COL16A1: variants seen among roughly 807,000 people sequenced by gnomAD.
COL16A1 encodes the protein collagen type XVI alpha 1 chain, also known as collagen alpha-1(XVI) chain.
In COL16A1, 189 loss-of-function variants were observed where a neutral mutation model predicts 266.3. The ratio of observed to expected loss-of-function variants is 0.71; its 90% CI spans 0.63 to 0.80. The LOEUF is 0.80. Ranked by LOEUF, COL16A1 falls within the 30% of genes least tolerant of loss-of-function variation. COL16A1 has a pLI of 0.00. For synonymous variants in COL16A1, 740 were observed against 782.3 expected, an observed-to-expected ratio of 0.95 and a Z score of 0.90; for missense variants, 1,928 against 2,122.4, an observed-to-expected ratio of 0.91 and a Z score of 1.80.
chr1:31,654,025 G>A lies in COL16A1; in HGVS notation c.4376C>T (p.Thr1459Ile). The change falls in exon 69 of 71, where the codon ACC becomes ATC. Residue 1459 changes from threonine to isoleucine, a missense_variant. Thr to Ile is a moderately conservative substitution (Grantham distance 89, BLOSUM62 -1). Coordinates refer to ENST00000373672, the MANE Select transcript of COL16A1 (RefSeq NM_001856.4). ...CTCCATGGGGAACTGCATCCTGGAG[G>A]TGTAGTAAGCCATTCTCTCTGTAAA... ...KMFDERMAYY[T>I]SRMQFPMEMA... The A allele has an allele frequency of 6.2e-7, 1 of 1,613,976 alleles. No individual in the cohort carries two copies. Among genetic ancestry groups the A allele is most frequent in the South Asian group, 1.1e-5 (1 of 91,076 alleles).
At position 31,689,885 on chromosome 1, in the gene COL16A1, T is replaced by G. The variant is rs749307314; in HGVS notation, c.1510-34A>C. 1.9e-5 allele frequency: 31 copies of G among 1,597,302 alleles called. No homozygotes were observed. In the African/African-American group the frequency reaches 4.2e-4, roughly 21 times the overall value. On this transcript the variant is annotated intron_variant, in intron 22 of 70. Coordinates refer to ENST00000373672, the MANE Select transcript of COL16A1 (RefSeq NM_001856.4). Reference sequence around the variant, plus strand: ...AGGGAGAGGCAGTATGTGGACAGGGTGGGGCTGAGACCCCAGGGAAGGCAA... The same window carrying G: ...AGGGAGAGGCAGTATGTGGACAGGGGGGGGCTGAGACCCCAGGGAAGGCAA...
At position 31,670,022 on chromosome 1, in the gene COL16A1, G is replaced by A. The variant is rs1317253843; in HGVS notation, c.3195+580C>T. 3 of 152,380 alleles carry A rather than the reference G, an allele frequency of 2.0e-5. No individual in the cohort carries two copies. Among genetic ancestry groups the A allele is most frequent in the Admixed American group, 1.3e-4 (2 of 15,286 alleles). 9.4% of individuals were successfully genotyped at this position (152,380 alleles called of 1,614,324 possible). On this transcript the variant is annotated intron_variant, in intron 49 of 70. Transcript: ENST00000373672. This position sits in a 1 kb window ranked among gnomAD's most constrained non-coding sequence, Gnocchi z 4.5. ...TTTCCTCTAGGACGACGGAAAAGGC[G>A]CAGGAAGGGCTGCCTTTAAATCCCT...
intron 39 of COL16A1, 102 bp from the exon 40 acceptor site, chr1:31,680,203 G>C: frequency 2.0e-6 from 3 of 1,502,944 alleles, no homozygotes; most frequent in Non-Finnish European, 2.7e-6. Context: ...AGAGGCCAGG[G>C]TTTCAATCCA....
chr1:31,673,249 G>A (rs1170508698), intron 44 of COL16A1: 2 of 302,884 alleles, frequency 6.6e-6, no homozygotes, highest in South Asian at 2.9e-5. Context: ...CAAAGGAACA[G>A]CTGCGGGAGG....
intron 42 of COL16A1, among the ~76,000 whole-genome samples, chr1:31,678,001 C>A (rs912084350): frequency 6.6e-6 from 1 of 152,194 alleles, no homozygotes; most frequent in East Asian, 1.9e-4. Flanking sequence ...TGTTTCCTGG[C>A]AGTGTGGCAG....
At position 31,683,694 on chromosome 1, in the gene COL16A1, G is replaced by A. The variant is rs530348338; in HGVS notation, c.2379+13C>T. 518 of 1,614,106 alleles carry A rather than the reference G, an allele frequency of 3.2e-4. 3 individuals carry two copies. The South Asian group carries it at 5.4e-3, about 17-fold the overall frequency. ...TGCTGAGAGGACAGGCAAAGGCAGG[G>A]CTAGAGACTCACCTGGGGTCCCTGG... On this transcript the variant is annotated intron_variant, in intron 34 of 70. Transcript: ENST00000373672.
At position 31,685,496 on chromosome 1, in the gene COL16A1, G is replaced by T. The variant is rs534417128; in HGVS notation, c.2016+143C>A. ...AGACCTGTGAGGGCCGCTCCTGCTG[G>T]AGACAGAGGCTCTGACCCCGCCACA... On this transcript the variant is annotated intron_variant, in intron 29 of 70. Coordinates refer to ENST00000373672, the MANE Select transcript of COL16A1 (RefSeq NM_001856.4). This position sits in a 1 kb window ranked among gnomAD's most constrained non-coding sequence, Gnocchi z 4.0. 320 of 1,088,250 alleles carry T rather than the reference G, an allele frequency of 2.9e-4. No homozygotes were observed. The highest frequency in any genetic ancestry group is 3.8e-4 in the Non-Finnish European group (288 of 748,744). The allele number at this position is 1,088,250 out of a possible 1,614,324, so 67.4% of individuals were successfully genotyped here. A position where few individuals can be genotyped will look rare whatever the true frequency, so the allele number is the denominator to read the frequency against.
chr1:31,672,954 C>A lies in COL16A1; in HGVS notation c.2860-114G>T, dbSNP rs1444962300. ...AGGGCTCCCTGCCCTGCCGTCTTCC[C>A]TCCTCCCACACTCCCTCCCTCCCCA... On this transcript the variant is annotated intron_variant, in intron 44 of 70. Transcript: ENST00000373672. The A allele has an allele frequency of 5.2e-6, 5 of 963,878 alleles. No individual in the cohort carries two copies. In the East Asian group the frequency reaches 1.0e-4, roughly 20 times the overall value. The allele number at this position is 963,878 out of a possible 1,614,324, so 59.7% of individuals were successfully genotyped here. A position where few individuals can be genotyped will look rare whatever the true frequency, so the allele number is the denominator to read the frequency against.
intron 17 of COL16A1, 47 bp downstream of exon 17, chr1:31,691,958 A>C: frequency 2.1e-4 from 338 of 1,610,808 alleles, no homozygotes; most frequent in Non-Finnish European, 2.7e-4. Flanking sequence ...CAGCATTCTC[A>C]GACCCCGTGC....
Position 31,653,832 on chromosome 1 carries a change from A to G in COL16A1, c.4534+35T>C, listed in dbSNP as rs116790331. ...ATACTTAGGCCTGCCCCAAAGAATT[A>G]CATGTGTCCCTTGGGAACTGTAGGG... On this transcript the variant is annotated intron_variant, in intron 69 of 70. Transcript: ENST00000373672. 7.1e-4 allele frequency: 1,125 copies of G among 1,591,104 alleles called. 9 individuals are homozygous for G. The African/African-American group carries it at 0.013, about 19-fold the overall frequency.
chr1:31,699,864 T>C lies in COL16A1; in HGVS notation c.215A>G (p.Lys72Arg), dbSNP rs1309992774. 3 of 1,614,124 alleles carry C rather than the reference T, an allele frequency of 1.9e-6. No individual in the cohort carries two copies. Among genetic ancestry groups the C allele is most frequent in the South Asian group, 1.1e-5 (1 of 91,082 alleles). ...TSAIKKIRNP[K>R]GPLILRLGAA... is the part of the protein sequence containing the mutation. ...CCCCAGGCGCAGGATGAGAGGCCCC[T>C]TGGGGTTGCGGATCTTCTTGATGGC... is the stretch of plus-strand genomic sequence containing the variant. Residue 72 changes from lysine (K) to arginine (R), a missense_variant, in exon 4 of 71, where the codon AAG (lysine) becomes AGG (arginine). Coordinates refer to ENST00000373672, the MANE Select transcript of COL16A1 (RefSeq NM_001856.4).
At position 31,688,491 on chromosome 1, in the gene COL16A1, C is replaced by A. The variant is rs1339584046; in HGVS notation, c.1779G>T (p.Gly593=). 1 of 1,613,988 alleles carries A rather than the reference C, an allele frequency of 6.2e-7. No homozygotes were observed. Among genetic ancestry groups the A allele is most frequent in the East Asian group, 2.2e-5 (1 of 44,892 alleles). The change falls in exon 26 of 71, where the codon GGG becomes GGT. Residue 593 remains glycine (G), a synonymous_variant. Coordinates refer to ENST00000373672, the MANE Select transcript of COL16A1 (RefSeq NM_001856.4). The surrounding 1 kb of genome is among the most constrained non-coding windows in gnomAD (Gnocchi z 4.9). ...CCTTCTCTCCTTTCAGCCCTGGAAC[C>A]CCAGCTCTACCCTGAAAAACAACCA... The part of the protein sequence containing the change: ...FGLPGLPGRA[G]VPGLKGEKGN...
intron 8 of COL16A1, 134 bp downstream of exon 8, chr1:31,696,829 G>A (rs1322260887): frequency 7.0e-7 from 1 of 1,437,200 alleles, no homozygotes; most frequent in African/African-American, 1.4e-5. Flanking sequence ...CGTACAAATA[G>A]GGAGGGCTTC....
chr1:31,691,647 G>T lies in COL16A1; in HGVS notation c.1258-5C>A, dbSNP rs77868621. 7,396 of 1,612,658 alleles carry T rather than the reference G, an allele frequency of 4.6e-3. 21 individuals carry two copies. Among genetic ancestry groups the T allele is most frequent in the Non-Finnish European group, 5.4e-3 (6,348 of 1,179,344 alleles). On this transcript the variant is annotated splice_polypyrimidine_tract_variant and splice_region_variant and intron_variant, in intron 17 of 70. Transcript: ENST00000373672. ...ACAGATCTCTCCTGGCCGGCCCTGTGGGGGGATAAGGGGGAGGGTGTACAA... is the reference window on the plus strand; with the variant it reads ...ACAGATCTCTCCTGGCCGGCCCTGTTGGGGGATAAGGGGGAGGGTGTACAA...
chr1:31,670,847 C>T lies in COL16A1; in HGVS notation c.3151-201G>A, dbSNP rs1642613102. On this transcript the variant is annotated intron_variant, in intron 48 of 70. Coordinates refer to ENST00000373672, the MANE Select transcript of COL16A1 (RefSeq NM_001856.4). The surrounding 1 kb of genome is among the most constrained non-coding windows in gnomAD (Gnocchi z 4.5). Reference sequence around the variant, plus strand: ...TTGGCTCCAGGAAGAATGGCTCCTCCGTTGACGGAGATGCGGAATGGCTCC... The same window carrying T: ...TTGGCTCCAGGAAGAATGGCTCCTCTGTTGACGGAGATGCGGAATGGCTCC... Among the ~76,000 whole-genome samples the T allele has an allele frequency of 6.6e-6, 1 of 152,214 alleles. No individual in the cohort carries two copies. Among genetic ancestry groups the T allele is most frequent in the African/African-American group, 2.4e-5 (1 of 41,466 alleles).
At chr1:31,665,695 G>A (rs539479461) in intron 54 of COL16A1, 77 bp from the exon 55 acceptor site, 100 of 1,576,960 alleles carry the variant, frequency 6.3e-5, no homozygotes, top group Admixed American at 1.7e-4. Context: ...AAAGAGTGAC[G>A]GGGGGGGCAC....
At chr1:31,665,402 C>A in intron 55 of COL16A1, 168 bp from the exon 56 acceptor site, 1 of 1,414,216 alleles carries the variant, frequency 7.1e-7, no homozygotes. Context: ...CTGGGGCCCA[C>A]ACAAGAGGCT....
At chr1:31,672,693 G>T (rs777916214) in intron 45 of COL16A1, 31 bp downstream of exon 45, 2 of 1,611,646 alleles carry the variant, frequency 1.2e-6, no homozygotes, top group Admixed American at 1.7e-5. Context: ...GAACCCTCCT[G>T]CATAGGGCAG....
Position 31,697,062 on chromosome 1 carries a change from GC to G in COL16A1, c.764del (p.Arg255ProfsTer39). The G allele has an allele frequency of 6.2e-7, 1 of 1,614,172 alleles. No homozygotes were observed. ...AGCPPETSKARRDTQSNELIE... is the reference protein window; with the variant it reads ...AGCPPETSKAXRDTQSNELIE... ...TGAGCTCATTGCTCTGGGTGTCCCG[GC>G]GGGCCTTGGAGGTCTCTGGGGGGCA... On this transcript the variant is annotated frameshift_variant, in exon 8 of 71. Coordinates refer to ENST00000373672, the MANE Select transcript of COL16A1 (RefSeq NM_001856.4). LOFTEE classifies it high-confidence loss of function. This position sits in a 1 kb window ranked among gnomAD's most constrained non-coding sequence, Gnocchi z 4.2.
Sources: allele counts gnomAD v4.1 joint callset (sites outside exome capture counted in the v4.1 genomes callset), GRCh38; gene constraint gnomAD v4.1.1; non-coding constraint Gnocchi (gnomAD v3.1); transcripts MANE v1.5; gene names NCBI Gene and HGNC (gene_info 2026-07-23, HGNC 2026-07-21).